The following TRIOBP variants were observed in gnomAD, a reference collection of about 807,000 sequenced individuals.
TRIOBP encodes TRIO and F-actin-binding protein.
Under a neutral mutation model 238.8 loss-of-function variants are expected in TRIOBP, and 169 were observed. The observed-to-expected ratio is 0.71, with a 90% CI of 0.62 to 0.80. The LOEUF (loss-of-function observed/expected upper bound fraction) is 0.80. Ranked by LOEUF, TRIOBP falls within the 30% of genes least tolerant of loss-of-function variation. The pLI, the probability that TRIOBP is intolerant of heterozygous loss-of-function variation, is 0.00. For missense variants in TRIOBP, 2,838 were observed against 3,122.6 expected (o/e 0.91, Z 2.17); for synonymous variants, 1,150 against 1,274.4 (o/e 0.90, Z 2.08).
chr22:37,758,983 T>C (rs1926097410), intron 16 of TRIOBP, among the ~76,000 whole-genome samples, 171 bp from the exon 17 acceptor site: 1 of 152,196 alleles, frequency 6.6e-6, no homozygotes, highest in African/African-American at 2.4e-5. Flanking sequence ...GTCCCCTGGC[T>C]ACATCTCACT....
At position 37,751,630 on chromosome 22, in the gene TRIOBP, A is replaced by G. The variant is rs1242468120; in HGVS notation, c.5323-142A>G. ...GCCTGCTTGGACTTGGGGGTTACCT[A>G]GGGCCTTAGCCCTCTTGGCTGGCTT... On this transcript the variant is annotated intron_variant, in intron 11 of 23. Coordinates refer to ENST00000644935, the MANE Select transcript of TRIOBP (RefSeq NM_001039141.3). 6 of 868,124 alleles carry G rather than the reference A, an allele frequency of 6.9e-6. No homozygotes were observed. In the East Asian group the frequency reaches 1.1e-4, roughly 15 times the overall value. The allele number at this position is 868,124 out of a possible 1,614,324, so 53.8% of individuals were successfully genotyped here.
At chr22:37,765,522 T>TGGGAGC (rs1926440947) in intron 17 of TRIOBP, 148 bp from the exon 18 acceptor site, 1 of 951,708 alleles carries the variant, frequency 1.1e-6, no homozygotes, top group African/African-American at 2.0e-5. Context: ...GGGGTGGGGG[T>TGGGAGC]GGGAGCAGGA....
chr22:37,764,946 G>GGGCT (rs1452873841), intron 17 of TRIOBP, among the ~76,000 whole-genome samples: 1 of 152,124 alleles, frequency 6.6e-6, no homozygotes, highest in Non-Finnish European at 1.5e-5. Flanking sequence ...CATTTAAACT[G>GGGCT]GGCTGCAGGT....
At chr22:37,764,629 A>G (rs989716421) in intron 17 of TRIOBP, among the ~76,000 whole-genome samples, 7 of 152,208 alleles carry the variant, frequency 4.6e-5, no homozygotes, top group African/African-American at 1.7e-4. Context: ...TACTAGGTCA[A>G]CCAGTGGGGT....
intron 11 of TRIOBP, among the ~76,000 whole-genome samples, chr22:37,750,094 C>T (rs1001312587): frequency 1.3e-5 from 2 of 152,212 alleles, no homozygotes; most frequent in African/African-American, 2.4e-5. Flanking sequence ...TCAGTCCTGT[C>T]GGAAGCTGCG....
chr22:37,754,512 C>T (rs1195250132), intron 12 of TRIOBP, among the ~76,000 whole-genome samples: 2 of 152,010 alleles, frequency 1.3e-5, no homozygotes, highest in Non-Finnish European at 2.9e-5. Context: ...ACCATTGTCC[C>T]TGACCATGGT....
In TRIOBP at chr22:37,724,847, A is replaced by C. The variant is rs1030915966; in HGVS notation, c.2291A>C (p.Gln764Pro). 1.9e-6 allele frequency: 3 copies of C among 1,613,536 alleles called. No homozygotes were observed. Among genetic ancestry groups the C allele is most frequent in the Non-Finnish European group, 2.5e-6 (3 of 1,179,944 alleles). Residue 764 changes from glutamine to proline, a missense_variant, in exon 7 of 24, where the codon CAA (glutamine) becomes CCA (proline). Coordinates refer to ENST00000644935, the MANE Select transcript of TRIOBP (RefSeq NM_001039141.3). Reference protein sequence around the residue: ...PRASSPNRTIQQENLRTSCTR... With the variant: ...PRASSPNRTIPQENLRTSCTR... ...GCCTCCTCTCCTAACAGAACCATCCAACAAGAGAACCTCAGAACATCCTGT... is the reference window on the plus strand; with the variant it reads ...GCCTCCTCTCCTAACAGAACCATCCCACAAGAGAACCTCAGAACATCCTGT...
At position 37,724,754 on chromosome 22, in the gene TRIOBP, C is replaced by T. The variant is rs1924034463; in HGVS notation, c.2198C>T (p.Ser733Phe). Reference protein sequence around the residue: ...SCARRDNPRASSRNRTIQRDN... With the variant: ...SCARRDNPRAFSRNRTIQRDN... ...GCCCGACGGGACAATCCCAGAGCCT[C>T]CTCTCGCAACAGAACCATCCAGCGA... The change falls in exon 7 of 24, where the codon TCC becomes TTC. Residue 733 changes from serine to phenylalanine, a missense_variant. By Grantham distance (155) the Ser-to-Phe change is radical. Transcript: ENST00000644935. The T allele has an allele frequency of 1.2e-6, 2 of 1,612,410 alleles. No homozygotes were observed. Among genetic ancestry groups the T allele is most frequent in the African/African-American group, 1.3e-5 (1 of 74,736 alleles).
chr22:37,757,805 C>T lies in TRIOBP; in HGVS notation c.5880C>T (p.Arg1960=). 1 of 1,547,300 alleles carries T rather than the reference C, an allele frequency of 6.5e-7. No individual in the cohort carries two copies. Among genetic ancestry groups the T allele is most frequent in the Non-Finnish European group, 8.7e-7 (1 of 1,144,806 alleles). ...PLTQASPQRA[R]TPARTPDRLA... is the part of the protein sequence containing the mutation. ...CCCAGGCTTCCCCGCAGCGGGCCCGCACCCCAGCCCGCACTCCTGACCGCC... is the reference window on the plus strand; with the variant it reads ...CCCAGGCTTCCCCGCAGCGGGCCCGTACCCCAGCCCGCACTCCTGACCGCC... The change falls in exon 16 of 24, where the codon CGC becomes CGT. Residue 1960 remains arginine, a synonymous_variant. Transcript: ENST00000644935.
intron 11 of TRIOBP, among the ~76,000 whole-genome samples, chr22:37,747,818 C>T (rs1925363237): frequency 6.6e-6 from 1 of 152,212 alleles, no homozygotes; most frequent in East Asian, 1.9e-4. Flanking sequence ...CCCCAGGTAA[C>T]TCAGTGAGTC....
intron 17 of TRIOBP, among the ~76,000 whole-genome samples, chr22:37,764,185 C>T (rs986353448): frequency 1.3e-5 from 2 of 152,230 alleles, no homozygotes. Flanking sequence ...AGCCTGAATT[C>T]CTCTTTGCCA....
intron 22 of TRIOBP, 34 bp downstream of exon 22, chr22:37,771,770 G>A: frequency 1.2e-6 from 2 of 1,602,138 alleles, no homozygotes; most frequent in Middle Eastern, 1.7e-4. Context: ...GGCCGTCGGG[G>A]ACTCTGGAGC....
At chr22:37,770,318 CG>C (rs1926706759) in intron 21 of TRIOBP, among the ~76,000 whole-genome samples, 1 of 148,660 alleles carries the variant, frequency 6.7e-6, no homozygotes, top group Non-Finnish European at 1.5e-5. Context: ...GGCGCGGTGG[CG>C]GGTGCCTGTA....
chr22:37,741,489 T>C (rs1601644118), intron 11 of TRIOBP, among the ~76,000 whole-genome samples: 1 of 152,366 alleles, frequency 6.6e-6, no homozygotes, highest in East Asian at 1.9e-4. Context: ...CTCAAGCCTC[T>C]GGCTGGGTTT....
Position 37,757,943 on chromosome 22 carries a change from G to A in TRIOBP, c.6018G>A (p.Pro2006=), listed in dbSNP as rs976740472. The A allele has an allele frequency of 9.6e-6, 15 of 1,559,354 alleles. No homozygotes were observed. The highest frequency in any genetic ancestry group is 1.7e-4 in the Middle Eastern group (1 of 5,872). The change falls in exon 16 of 24, where the codon CCG becomes CCA. Residue 2006 remains proline, a synonymous_variant. Transcript: ENST00000644935. The stretch of plus-strand genomic sequence containing the variant: ...CAGAGGTGCCTGCTGGTGAGGGGCC[G>A]CGCCGGGGCCTGGGTGCCCCCCTGA... ...RTPEVPAGEG[P]RRGLGAPLTE...
At chr22:37,772,793 G>A in intron 23 of TRIOBP, 29 bp downstream of exon 23, 1 of 1,607,054 alleles carries the variant, frequency 6.2e-7, no homozygotes, top group Admixed American at 1.7e-5. Flanking sequence ...GCCCTGCAGG[G>A]TGGGCAGGGG....
In TRIOBP at chr22:37,715,789, G is replaced by A. The variant is rs368119524; in HGVS notation, c.483G>A (p.Glu161=). Reference sequence around the variant, plus strand: ...ACTGGGACACTGTTGAGAGGCAGGAGGAGGAGGCCCCCAGCTGGGACGAGC... The same window carrying A: ...ACTGGGACACTGTTGAGAGGCAGGAAGAGGAGGCCCCCAGCTGGGACGAGC... ...SVDWDTVERQ[E]EEAPSWDELA... The change falls in exon 6 of 24, where the codon GAG becomes GAA. Residue 161 remains glutamate (E), a synonymous_variant. Coordinates refer to ENST00000644935, the MANE Select transcript of TRIOBP (RefSeq NM_001039141.3). 423 of 1,614,108 alleles carry A rather than the reference G, an allele frequency of 2.6e-4. No individual in the cohort carries two copies. Among genetic ancestry groups the A allele is most frequent in the Non-Finnish European group, 3.4e-4 (397 of 1,180,020 alleles).
chr22:37,731,698 C>G (rs1212646578), intron 7 of TRIOBP, among the ~76,000 whole-genome samples: 1 of 152,100 alleles, frequency 6.6e-6, no homozygotes, highest in African/African-American at 2.4e-5. Context: ...CTCAAGTGAT[C>G]CACCCACCTC....
chr22:37,745,628 A>G (rs1925183067), intron 11 of TRIOBP, among the ~76,000 whole-genome samples: 1 of 152,242 alleles, frequency 6.6e-6, no homozygotes, highest in South Asian at 2.1e-4. Context: ...CTTTGTGTCC[A>G]GCTTACTCGC....
Sources: allele counts gnomAD v4.1 joint callset (sites outside exome capture counted in the v4.1 genomes callset), GRCh38; gene constraint gnomAD v4.1.1; transcripts MANE v1.5; gene names NCBI Gene and HGNC (gene_info 2026-07-23, HGNC 2026-07-21).